Variants in RAD51B observed in about 807,000 individuals in gnomAD.
RAD51B encodes the protein DNA repair protein RAD51 homolog 2.
In RAD51B, 38 loss-of-function variants were observed where a neutral mutation model predicts 42.2. That is an observed-to-expected ratio of 0.90 (90% CI 0.70 to 1.18). RAD51B has a LOEUF of 1.18. Among genes scored for constraint, RAD51B ranks in the 50% most tolerant of loss-of-function variants. The probability of loss-of-function intolerance (pLI) is 0.00; values close to 1 mark genes in which losing one functional copy is unlikely to be tolerated. For missense variants in RAD51B, 373 were observed against 400.7 expected, an observed-to-expected ratio of 0.93 and a Z score of 0.59; for synonymous variants, 154 against 145.2, an observed-to-expected ratio of 1.06 and a Z score of -0.43.
At chr14:68,622,333 G>C (rs1005057066) in intron 10 of RAD51B, among the ~76,000 whole-genome samples, 7 of 152,164 alleles carry the variant, frequency 4.6e-5, no homozygotes, top group Non-Finnish European at 1.0e-4. Context: ...ATATCATCTT[G>C]GGTCAGGATT....
intron 8 of RAD51B, among the ~76,000 whole-genome samples, chr14:68,346,134 T>G (rs2082672720): frequency 6.6e-6 from 1 of 152,248 alleles, no homozygotes; most frequent in Non-Finnish European, 1.5e-5. Context: ...TTGATGTTTT[T>G]TATATTACAT....
At chr14:67,881,963 C>T (rs2042920908) in intron 5 of RAD51B, among the ~76,000 whole-genome samples, 1 of 152,070 alleles carries the variant, frequency 6.6e-6, no homozygotes, top group Admixed American at 6.6e-5. Context: ...GAAAAGCTCT[C>T]TTCCCTTGAC....
chr14:68,463,732 C>A (rs1167230361), intron 9 of RAD51B, among the ~76,000 whole-genome samples: 1 of 152,122 alleles, frequency 6.6e-6, no homozygotes, highest in Non-Finnish European at 1.5e-5. Flanking sequence ...GTCCTCTTAC[C>A]ATGATGTTTG....
At chr14:68,245,981 A>C (rs1208247048) in intron 7 of RAD51B, among the ~76,000 whole-genome samples, 1 of 151,846 alleles carries the variant, frequency 6.6e-6, no homozygotes, top group East Asian at 1.9e-4. Flanking sequence ...AATGAGATAC[A>C]ACAAGCCTTC....
chr14:68,042,675 A>G (rs2076236378), intron 7 of RAD51B, among the ~76,000 whole-genome samples: 1 of 152,124 alleles, frequency 6.6e-6, no homozygotes, highest in Admixed American at 6.6e-5. Context: ...CATAGAATAA[A>G]CATTCTTTGT....
intron 7 of RAD51B, among the ~76,000 whole-genome samples, chr14:68,247,875 C>A (rs1390140668): frequency 6.6e-6 from 1 of 152,158 alleles, no homozygotes; most frequent in Non-Finnish European, 1.5e-5. Context: ...AAAAAGAGAA[C>A]AATATAGTGA....
chr14:68,541,286 T>C lies in RAD51B; in HGVS notation c.1037-53199T>C, dbSNP rs1029904589. On this transcript the variant is annotated intron_variant, in intron 10 of 10. Transcript: ENST00000487270. ...CTTCAAATCTGACAACTGGGTTCTTTGTGGCAAAGAATAGGTGGCTAAGGA... is the reference window on the plus strand; with the variant it reads ...CTTCAAATCTGACAACTGGGTTCTTCGTGGCAAAGAATAGGTGGCTAAGGA... The C allele has an allele frequency of 4.1e-6, 4 of 985,360 alleles. No homozygotes were observed. The African/African-American group carries it at 7.0e-5, about 17-fold the overall frequency. 61.0% of individuals were successfully genotyped at this position (985,360 alleles called of 1,614,324 possible). A position where few individuals can be genotyped will look rare whatever the true frequency, so the allele number is the denominator to read the frequency against.
intron 7 of RAD51B, among the ~76,000 whole-genome samples, chr14:68,063,596 T>C (rs1033514313): frequency 6.6e-6 from 1 of 151,978 alleles, no homozygotes; most frequent in African/African-American, 2.4e-5. Context: ...ATTAGCTGGG[T>C]GTGGTGATAC....
chr14:67,831,890 A>G (rs936732337), intron 3 of RAD51B, among the ~76,000 whole-genome samples: 1 of 152,106 alleles, frequency 6.6e-6, no homozygotes, highest in African/African-American at 2.4e-5. Flanking sequence ...TAGAAATTAC[A>G]CTTAAAATTG....
At chr14:68,232,006 G>A (rs527692330) in intron 7 of RAD51B, among the ~76,000 whole-genome samples, 5 of 152,248 alleles carry the variant, frequency 3.3e-5, no homozygotes, top group African/African-American at 1.2e-4. Context: ...ATATGCTCAA[G>A]TGAAAGAAAG....
rs974547899 is a variant in RAD51B, at chr14:68,161,573, C to T, written c.757-130311C>T. 9.9e-5 allele frequency among the ~76,000 whole-genome samples: 15 copies of T among 152,272 alleles called. No homozygotes were observed. In the South Asian group the frequency reaches 1.2e-3, roughly 13 times the overall value. The stretch of plus-strand genomic sequence containing the variant: ...GATCTGTTTCCTCTAAAGGAAGAGA[C>T]GACTTTTTAAGTCTTTTCCCCCCAA... On this transcript the variant is annotated intron_variant, in intron 7 of 10. Transcript: ENST00000471583.
At chr14:67,863,999 T>C (rs1473435616) in intron 4 of RAD51B, among the ~76,000 whole-genome samples, 1 of 151,480 alleles carries the variant, frequency 6.6e-6, no homozygotes, top group Non-Finnish European at 1.5e-5. Flanking sequence ...CATCTTACTA[T>C]GGCGGAACAG....
At chr14:68,431,283 A>T (rs1225562164) in intron 9 of RAD51B, among the ~76,000 whole-genome samples, 1 of 152,076 alleles carries the variant, frequency 6.6e-6, no homozygotes, top group Admixed American at 6.6e-5. Flanking sequence ...GTTAGGGAGG[A>T]TTCCCTCTTT....
intron 7 of RAD51B, among the ~76,000 whole-genome samples, chr14:68,266,830 G>A (rs1033456760): frequency 2.0e-5 from 3 of 152,202 alleles, no homozygotes; most frequent in Admixed American, 1.3e-4. Flanking sequence ...TTACAAGGCT[G>A]TGCCTCAAAT....
intron 10 of RAD51B, among the ~76,000 whole-genome samples, chr14:68,648,026 TATATATATATACAC>T (rs2140135577): frequency 2.9e-5 from 3 of 102,688 alleles, no homozygotes; most frequent in African/African-American, 1.1e-4. Context: ...TATATACGTA[TATATATATATACAC>T]ACGTATATAG....
intron 11 of RAD51B, among the ~76,000 whole-genome samples, chr14:68,673,651 C>T (rs371193203): frequency 6.6e-6 from 1 of 151,870 alleles, no homozygotes; most frequent in Non-Finnish European, 1.5e-5. Flanking sequence ...TATACATGCA[C>T]ACACATACAC....
chr14:68,441,983 C>A (rs1193455593), intron 9 of RAD51B, among the ~76,000 whole-genome samples: 1 of 152,152 alleles, frequency 6.6e-6, no homozygotes, highest in Non-Finnish European at 1.5e-5. Flanking sequence ...CAGAGGAATA[C>A]CTCTTGGAAT....
chr14:68,534,755 CT>C (rs558576811), intron 10 of RAD51B, among the ~76,000 whole-genome samples: 14 of 152,200 alleles, frequency 9.2e-5, no homozygotes, highest in East Asian at 5.8e-4. Flanking sequence ...CCCACCCCCC[CT>C]AGATTGTAAA....
intron 11 of RAD51B, among the ~76,000 whole-genome samples, chr14:68,681,217 AT>A (rs1566971375): frequency 6.6e-6 from 1 of 152,042 alleles, no homozygotes; most frequent in African/African-American, 2.4e-5. Flanking sequence ...GCATTATTCG[AT>A]TTTTGAATTG....
Sources: allele counts gnomAD v4.1 joint callset (sites outside exome capture counted in the v4.1 genomes callset), GRCh38; gene constraint gnomAD v4.1.1; transcripts MANE v1.5; gene names NCBI Gene and HGNC (gene_info 2026-07-23, HGNC 2026-07-21).